Variants in NSG2 observed in about 807,000 individuals in gnomAD.
NSG2 encodes neuronal vesicle trafficking associated 2.
Under a neutral mutation model 16.9 loss-of-function variants are expected in NSG2, and 4 were observed. The ratio of observed to expected loss-of-function variants is 0.24; its 90% CI spans 0.12 to 0.54. NSG2 has a LOEUF of 0.54. Ranked by LOEUF, NSG2 falls within the 20% of genes least tolerant of loss-of-function variation. The pLI is 0.95. For synonymous variants in NSG2, 98 were observed against 88.7 expected (o/e 1.11, Z -0.59); for missense variants, 179 against 221.1 (o/e 0.81, Z 1.21).
At chr5:174,076,913 T>C (rs1351446077) in intron 3 of NSG2, among the ~76,000 whole-genome samples, 1 of 152,198 alleles carries the variant, frequency 6.6e-6, no homozygotes, top group Non-Finnish European at 1.5e-5. Flanking sequence ...TACCAGCATG[T>C]TCGCTGGGTC....
At chr5:174,097,531 A>C (rs555861156) in intron 3 of NSG2, among the ~76,000 whole-genome samples, 4 of 141,326 alleles carry the variant, frequency 2.8e-5, no homozygotes, top group Admixed American at 1.4e-4. Context: ...GTATGTGTGT[A>C]ACTATATGTG....
intron 3 of NSG2, among the ~76,000 whole-genome samples, chr5:174,068,101 T>C (rs80107321): frequency 1.6e-3 from 251 of 152,228 alleles, no homozygotes; most frequent in East Asian, 0.014. Flanking sequence ...ACCCTGCAGA[T>C]ATATTGCCCG....
intron 2 of NSG2, among the ~76,000 whole-genome samples, chr5:174,049,781 G>GT (rs1306608143): frequency 4.6e-5 from 7 of 152,186 alleles, no homozygotes; most frequent in Non-Finnish European, 8.8e-5. Flanking sequence ...GTGGAAAATT[G>GT]TATTATCAGT....
At chr5:174,089,493 G>A (rs554989849) in intron 3 of NSG2, among the ~76,000 whole-genome samples, 7 of 152,106 alleles carry the variant, frequency 4.6e-5, no homozygotes, top group Non-Finnish European at 8.8e-5. Flanking sequence ...GAGGAAGAGC[G>A]TCTTACTCTT....
chr5:174,091,644 GGTGT>G (rs35746227), intron 3 of NSG2, among the ~76,000 whole-genome samples: 20,538 of 139,318 alleles, frequency 0.15, 2,444 homozygotes, highest in East Asian at 0.6. Context: ...AACTAGGACT[GGTGT>G]GTGTGTGTGT....
chr5:174,085,085 G>C (rs1249747552), intron 3 of NSG2, among the ~76,000 whole-genome samples: 1 of 152,224 alleles, frequency 6.6e-6, no homozygotes, highest in Non-Finnish European at 1.5e-5. Context: ...AAATTAAGCA[G>C]TGCAGCCAGG....
intron 3 of NSG2, among the ~76,000 whole-genome samples, chr5:174,068,738 A>G (rs1184902833): frequency 3.1e-4 from 29 of 92,618 alleles, no homozygotes; most frequent in South Asian, 4.6e-4. Context: ...TCCTGGTGCT[A>G]TGGAAGGTGC....
At chr5:174,088,687 G>T (rs933123088) in intron 3 of NSG2, among the ~76,000 whole-genome samples, 19 of 152,266 alleles carry the variant, frequency 1.2e-4, no homozygotes, top group African/African-American at 4.6e-4. Context: ...TCTATGCCAG[G>T]CGCTGGGCTT....
At position 174,046,793 on chromosome 5, in the gene NSG2, C is replaced by A. The variant is rs761095105; in HGVS notation, c.38C>A (p.Thr13Asn). The A allele has an allele frequency of 1.2e-6, 2 of 1,614,194 alleles. No homozygotes were observed. The highest frequency in any genetic ancestry group is 1.7e-5 in the Admixed American group (1 of 60,020). The change falls in exon 2 of 5, where the codon ACC becomes AAC. Residue 13 changes from threonine to asparagine, a missense_variant. Transcript: ENST00000303177. Reference sequence around the variant, plus strand: ...AACAGTAACCCCAGCGAGAAGGGAACCAAGCCGCCTTCAGTTGAGGATGGC... The same window carrying A: ...AACAGTAACCCCAGCGAGAAGGGAAACAAGCCGCCTTCAGTTGAGGATGGC... Reference protein sequence around the residue: ...KLNSNPSEKGTKPPSVEDGFQ... With the variant: ...KLNSNPSEKGNKPPSVEDGFQ...
intron 3 of NSG2, among the ~76,000 whole-genome samples, chr5:174,067,508 G>A (rs1235229306): frequency 1.3e-5 from 2 of 152,270 alleles, no homozygotes; most frequent in Non-Finnish European, 2.9e-5. Flanking sequence ...GAAGGGCTTT[G>A]TGGTTCAGGG....
intron 3 of NSG2, among the ~76,000 whole-genome samples, chr5:174,097,316 TG>T (rs1486448961): frequency 6.6e-6 from 1 of 151,994 alleles, no homozygotes; most frequent in Non-Finnish European, 1.5e-5. Flanking sequence ...GTGCTTTTGT[TG>T]GGCACATGTG....
At chr5:174,046,669 C>CT in intron 1 of NSG2, 65 bp from the exon 2 acceptor site, 1 of 1,500,914 alleles carries the variant, frequency 6.7e-7, no homozygotes, top group Non-Finnish European at 9.2e-7. Flanking sequence ...GCTATTTTCT[C>CT]TGTCGTCAGC....
At chr5:174,075,178 T>C (rs1760316704) in intron 3 of NSG2, among the ~76,000 whole-genome samples, 1 of 152,192 alleles carries the variant, frequency 6.6e-6, no homozygotes, top group South Asian at 2.1e-4. Flanking sequence ...ATTTTATCTT[T>C]ATTGTAACTC....
At chr5:174,086,081 T>G (rs1462134985) in intron 3 of NSG2, among the ~76,000 whole-genome samples, 3 of 152,144 alleles carry the variant, frequency 2.0e-5, no homozygotes, top group African/African-American at 7.2e-5. Context: ...TCAGACCCGT[T>G]TAACCCCCTG....
In NSG2 at chr5:174,107,583, C is replaced by A; in HGVS notation, c.*78C>A. ...GCTAAGCCAAGCTCCAGTTACAAGA[C>A]AACACTGTACTCCTGGGATATGGGG... is the stretch of plus-strand genomic sequence containing the variant. On this transcript the variant is annotated 3_prime_UTR_variant, in exon 5 of 5. Transcript: ENST00000303177. The surrounding 1 kb of genome is among the most constrained non-coding windows in gnomAD (Gnocchi z 4.5). The A allele has an allele frequency of 2.2e-6, 2 of 919,318 alleles. No individual in the cohort carries two copies. Among genetic ancestry groups the A allele is most frequent in the Non-Finnish European group, 3.2e-6 (2 of 628,924 alleles). 56.9% of individuals were successfully genotyped at this position (919,318 alleles called of 1,614,324 possible).
rs756478521 is a variant in NSG2 at position 174,072,780 on chromosome 5, T to C, written c.213+8465T>C. ...GGGAGGATTGCTTGAACCCAGGAGT[T>C]TGAGACCAGCCTGGGCAACATGGCA... On this transcript the variant is annotated intron_variant, in intron 3 of 4. Transcript: ENST00000303177. This position sits in a 1 kb window ranked among gnomAD's most constrained non-coding sequence, Gnocchi z 4.0. Among the ~76,000 whole-genome samples, 6 of 152,188 alleles carry C rather than the reference T, an allele frequency of 3.9e-5. No individual in the cohort carries two copies. The highest frequency in any genetic ancestry group is 5.9e-5 in the Non-Finnish European group (4 of 68,028).
At chr5:174,101,464 G>C (rs773875466) in intron 3 of NSG2, among the ~76,000 whole-genome samples, 6 of 152,074 alleles carry the variant, frequency 3.9e-5, no homozygotes, top group Non-Finnish European at 7.4e-5. Context: ...CATTCCCCCA[G>C]ACCCCCTAGT....
At chr5:174,098,641 G>C (rs1760846238) in intron 3 of NSG2, among the ~76,000 whole-genome samples, 1 of 152,190 alleles carries the variant, frequency 6.6e-6, no homozygotes, top group Non-Finnish European at 1.5e-5. Flanking sequence ...CACATTCAGT[G>C]CTTGGTTTGT....
chr5:174,089,228 G>A (rs1760682994), intron 3 of NSG2, among the ~76,000 whole-genome samples: 1 of 152,174 alleles, frequency 6.6e-6, no homozygotes, highest in African/African-American at 2.4e-5. Context: ...CCGAGGGGCA[G>A]CACCTCCAGT....
Sources: allele counts gnomAD v4.1 joint callset (sites outside exome capture counted in the v4.1 genomes callset), GRCh38; gene constraint gnomAD v4.1.1; non-coding constraint Gnocchi (gnomAD v3.1); transcripts MANE v1.5; gene names NCBI Gene and HGNC (gene_info 2026-07-23, HGNC 2026-07-21).